The following SCAP variants were observed in gnomAD, a reference collection of about 807,000 sequenced individuals.
SCAP encodes sterol regulatory element-binding protein cleavage-activating protein.
A neutral mutation model predicts 123.6 loss-of-function variants in SCAP; 65 were observed. The observed-to-expected ratio is 0.53, with a 90% CI of 0.43 to 0.65. The LOEUF (loss-of-function observed/expected upper bound fraction) is 0.65, where lower values mean the gene tolerates loss of function less well. Among genes scored for constraint, SCAP ranks in the 30% least tolerant of loss-of-function variants. The pLI is 0.00. For missense variants in SCAP, 1,398 were observed against 1,712.5 expected (o/e 0.82, Z 3.24); for synonymous variants, 740 against 726.3 (o/e 1.02, Z -0.30).
chr3:47,461,756 G>T (rs557036166), intron 1 of SCAP, among the ~76,000 whole-genome samples: 1 of 152,110 alleles, frequency 6.6e-6, no homozygotes, highest in Non-Finnish European at 1.5e-5. Flanking sequence ...AGTCTAGGCC[G>T]GGCACGGTGG....
At chr3:47,470,562 T>A (rs377670609) in intron 1 of SCAP, among the ~76,000 whole-genome samples, 1 of 152,318 alleles carries the variant, frequency 6.6e-6, no homozygotes, top group South Asian at 2.1e-4. Context: ...CAGGAAAGGA[T>A]CCCAAAGAAA....
intron 1 of SCAP, among the ~76,000 whole-genome samples, chr3:47,454,139 G>T (rs927665701): frequency 1.2e-4 from 18 of 151,628 alleles, no homozygotes; most frequent in African/African-American, 4.1e-4. Context: ...TGGCCGAGGC[G>T]GGCGGATCAC....
chr3:47,414,068 A>T lies in SCAP; in HGVS notation c.3626T>A (p.Ile1209Asn). 1.2e-6 allele frequency: 2 copies of T among 1,613,398 alleles called. No individual in the cohort carries two copies. The highest frequency in any genetic ancestry group is 4.5e-5 in the East Asian group (2 of 44,878). Residue 1209 changes from isoleucine to asparagine, a missense_variant, in exon 23 of 23, where the codon ATC becomes AAC. Ile to Asn is a moderately radical substitution (Grantham distance 149). This residue lies in a region of SCAP where 130 missense variants were observed against 166.7 expected (regional missense o/e 0.78). Transcript: ENST00000265565. The stretch of plus-strand genomic sequence containing the variant: ...GCCAGTCACCAGCAGGTTGTCTGAG[A>T]TGACACCCAAGCTTGCACCACAGCC... ...DLGCGASLGV[I>N]SDNLLVTGGQ...
At chr3:47,474,298 T>C (rs930294356) in intron 1 of SCAP, among the ~76,000 whole-genome samples, 6 of 151,588 alleles carry the variant, frequency 4.0e-5, no homozygotes, top group Non-Finnish European at 7.4e-5. Context: ...AGAGAGAGCA[T>C]TCAAACATCA....
chr3:47,414,135 C>G (rs1399428353), intron 22 of SCAP, 36 bp from the exon 23 acceptor site: 2 of 1,613,452 alleles, frequency 1.2e-6, no homozygotes, highest in African/African-American at 2.7e-5. Flanking sequence ...AGTCCTGAGT[C>G]CTTCCCTAAA....
In SCAP at chr3:47,413,786, G is replaced by C; in HGVS notation, c.*68C>G. ...GAAGATACTCGGCTCTTTCCCCCAA[G>C]TCCAGGTTCAGTGCATTGGCCCCCA... On this transcript the variant is annotated 3_prime_UTR_variant, in exon 23 of 23. Transcript: ENST00000265565. 1 of 1,558,552 alleles carries C rather than the reference G, an allele frequency of 6.4e-7. No individual in the cohort carries two copies. Among genetic ancestry groups the C allele is most frequent in the South Asian group, 1.2e-5 (1 of 84,242 alleles).
chr3:47,431,366 C>T lies in SCAP; in HGVS notation c.253-2696G>A, dbSNP rs144169656. Among the ~76,000 whole-genome samples the T allele has an allele frequency of 1.5e-4, 4 of 25,904 alleles. No individual in the cohort carries two copies. In the East Asian group the frequency reaches 5.8e-3, roughly 38 times the overall value. The allele number at this position is 25,904 out of a possible 152,430, so 17.0% of individuals were successfully genotyped here. ...AGAAGGACATTTCATCTCTGTAGTC[C>T]TCCTTCTGAAAACCAAAGTCCACAG... On this transcript the variant is annotated intron_variant, in intron 3 of 22. Coordinates refer to ENST00000265565, the MANE Select transcript of SCAP (RefSeq NM_012235.4).
intron 3 of SCAP, among the ~76,000 whole-genome samples, chr3:47,429,746 A>C (rs1241862555): frequency 2.0e-5 from 3 of 152,170 alleles, no homozygotes; most frequent in African/African-American, 7.2e-5. Flanking sequence ...ACTATTGTCT[A>C]TGGCTGCTTT....
chr3:47,441,151 C>T (rs1267955560), intron 2 of SCAP, among the ~76,000 whole-genome samples: 2 of 152,022 alleles, frequency 1.3e-5, no homozygotes, highest in Admixed American at 6.6e-5. Context: ...CTGCCCGCCT[C>T]GGCCTCCCAA....
At chr3:47,416,971 C>CCT (rs1576245497) in intron 18 of SCAP, 151 bp downstream of exon 18, 1 of 695,408 alleles carries the variant, frequency 1.4e-6, no homozygotes, top group East Asian at 2.7e-5. Context: ...AGTGGACTGC[C>CCT]CTCTGCTCAC....
chr3:47,460,704 C>T (rs1707600229), intron 1 of SCAP, among the ~76,000 whole-genome samples: 2 of 152,060 alleles, frequency 1.3e-5, no homozygotes, highest in Admixed American at 1.3e-4. Flanking sequence ...ATTACAGGTG[C>T]CTGCCACTGT....
intron 1 of SCAP, among the ~76,000 whole-genome samples, chr3:47,450,064 C>T (rs1181018474): frequency 8.0e-6 from 1 of 125,338 alleles, no homozygotes; most frequent in African/African-American, 2.7e-5. Flanking sequence ...GTGGCGTGAT[C>T]TCGGCTCACC....
chr3:47,421,668 A>G (rs1368081945), intron 10 of SCAP, among the ~76,000 whole-genome samples: 1 of 152,222 alleles, frequency 6.6e-6, no homozygotes, highest in African/African-American at 2.4e-5. Context: ...TCTCAGCTCT[A>G]ACGTCCCAAG....
chr3:47,423,803 T>G, intron 9 of SCAP, 130 bp downstream of exon 9: 1 of 687,538 alleles, frequency 1.5e-6, no homozygotes. Flanking sequence ...GCCCACTGCA[T>G]ATTATGCCGG....
At chr3:47,415,837 G>A (rs1705546906) in intron 18 of SCAP, among the ~76,000 whole-genome samples, 1 of 152,200 alleles carries the variant, frequency 6.6e-6, no homozygotes, top group African/African-American at 2.4e-5. Flanking sequence ...CAGAGCTGGG[G>A]AAGCCAGTTT....
In SCAP at chr3:47,420,539, A is replaced by G. The variant is rs778318950; in HGVS notation, c.1563+15T>C. 6.3e-7 allele frequency: 1 copy of G among 1,577,580 alleles called. No individual in the cohort carries two copies. The highest frequency in any genetic ancestry group is 1.8e-5 in the Admixed American group (1 of 55,824). ...CCTCCAGAAGAGGGCAGGGCAGGGC[A>G]GGGGTGGCAGGTACCATGATGAGGC... On this transcript the variant is annotated intron_variant, in intron 12 of 22. Coordinates refer to ENST00000265565, the MANE Select transcript of SCAP (RefSeq NM_012235.4). This position sits in a 1 kb window ranked among gnomAD's most constrained non-coding sequence, Gnocchi z 5.0.
chr3:47,473,099 A>AAAAAAAAC (rs1559576281), intron 1 of SCAP, among the ~76,000 whole-genome samples: 1 of 148,222 alleles, frequency 6.7e-6, no homozygotes, highest in African/African-American at 2.5e-5. Flanking sequence ...AAAAAAAAAA[A>AAAAAAAAC]CAGACTGTGG....
intron 1 of SCAP, among the ~76,000 whole-genome samples, chr3:47,455,367 G>A (rs535755630): frequency 6.6e-6 from 1 of 151,474 alleles, no homozygotes; most frequent in Admixed American, 6.6e-5. Flanking sequence ...GGCCGAGATG[G>A]GCAGATCACC....
At chr3:47,475,656 G>C (rs1005342279) in intron 1 of SCAP, 143 bp downstream of exon 1, 1 of 152,432 alleles carries the variant, frequency 6.6e-6, no homozygotes, top group African/African-American at 2.4e-5. Flanking sequence ...CGGTCTCCAG[G>C]GCCGGCCCGC....
Sources: gnomAD v4.1 joint callset for allele counts (sites outside exome capture counted in the v4.1 genomes callset) on GRCh38, gnomAD v4.1.1 for gene constraint, gnomAD v4.1.1 regional missense constraint, Gnocchi (gnomAD v3.1) non-coding constraint, MANE v1.5 for transcripts, NCBI Gene and HGNC (gene_info 2026-07-23, HGNC 2026-07-21) for gene names.